The following FSD1L variants were observed in gnomAD, a reference collection of about 807,000 sequenced individuals.
FSD1L encodes fibronectin type III and SPRY domain containing 1 like.
A neutral mutation model predicts 71.6 loss-of-function variants in FSD1L; 45 were observed. That is an observed-to-expected ratio of 0.63 (90% CI 0.49 to 0.81). The LOEUF (loss-of-function observed/expected upper bound fraction) is 0.81. Among genes scored for constraint, FSD1L ranks in the 30% least tolerant of loss-of-function variants. FSD1L has a pLI of 0.00. For missense variants in FSD1L, 561 were observed against 618.1 expected (o/e 0.91, Z 0.98); for synonymous variants, 197 against 207.2 (o/e 0.95, Z 0.42).
chr9:105,475,321 A>G (rs112218005), intron 5 of FSD1L, among the ~76,000 whole-genome samples: 1,724 of 152,290 alleles, frequency 0.011, 21 homozygotes, highest in Non-Finnish European at 0.019. Flanking sequence ...TGAAAGGGGA[A>G]CAGTGTCTTC....
intron 7 of FSD1L, among the ~76,000 whole-genome samples, chr9:105,499,592 G>T (rs1833643863): frequency 6.6e-6 from 1 of 151,468 alleles, no homozygotes; most frequent in Non-Finnish European, 1.5e-5. Flanking sequence ...CTTCTTTCAA[G>T]TGTTTTCCTT....
Position 105,470,268 on chromosome 9 carries a change from T to C in FSD1L, c.340-1636T>C, listed in dbSNP as rs77897091. ...TGAGATTCTACATGAATTTTATATATATTTTTTCTGTTCCTACAAAAAATG... is the reference window on the plus strand; with the variant it reads ...TGAGATTCTACATGAATTTTATATACATTTTTTCTGTTCCTACAAAAAATG... On this transcript the variant is annotated intron_variant, in intron 4 of 13. Transcript: ENST00000481272. 8.3e-3 allele frequency among the ~76,000 whole-genome samples: 1,264 copies of C among 152,286 alleles called. 19 individuals carry two copies. Among genetic ancestry groups the C allele is most frequent in the African/African-American group, 0.029 (1,208 of 41,552 alleles).
intron 1 of FSD1L, among the ~76,000 whole-genome samples, chr9:105,460,045 C>T (rs1350817066): frequency 6.6e-6 from 1 of 152,166 alleles, no homozygotes; most frequent in Non-Finnish European, 1.5e-5. Context: ...AAGAATGAGA[C>T]TGTGTTTCTC....
In FSD1L at chr9:105,548,540, A is replaced by T. The variant is rs561336505; in HGVS notation, c.*2057A>T. ...TGTTTAAGCTACAGAGCATTGTTGT[A>T]GTGGTGAGGGCCCTCTGTTGCAGGG... On this transcript the variant is annotated 3_prime_UTR_variant, in exon 14 of 14. Coordinates refer to ENST00000481272, the MANE Select transcript of FSD1L (RefSeq NM_001145313.3). 6.6e-6 allele frequency: 1 copy of T among 152,590 alleles called. No individual in the cohort carries two copies. Among genetic ancestry groups the T allele is most frequent in the East Asian group, 1.9e-4 (1 of 5,188 alleles). The allele number at this position is 152,590 out of a possible 1,614,324, so 9.5% of individuals were successfully genotyped here.
upstream of FSD1L, among the ~76,000 whole-genome samples, chr9:105,444,923 G>T (rs1829610624): frequency 1.3e-5 from 2 of 152,204 alleles, no homozygotes; most frequent in Non-Finnish European, 2.9e-5. Context: ...TAGATCCAGG[G>T]ATAAGGCTGG....
At chr9:105,457,623 G>A (rs1163207353) in intron 1 of FSD1L, among the ~76,000 whole-genome samples, 1 of 152,252 alleles carries the variant, frequency 6.6e-6, no homozygotes, top group African/African-American at 2.4e-5. Context: ...AGAAACCTCT[G>A]TAGCTGGCAG....
intron 1 of FSD1L, among the ~76,000 whole-genome samples, chr9:105,454,496 A>G (rs1830243796): frequency 1.3e-5 from 2 of 152,252 alleles, no homozygotes; most frequent in Admixed American, 1.3e-4. Flanking sequence ...ATCTATTTCA[A>G]AAATTTTATT....
In FSD1L at chr9:105,539,271, T is replaced by C; in HGVS notation, c.1387T>C (p.Ser463Pro). 1 of 1,453,982 alleles carries C rather than the reference T, an allele frequency of 6.9e-7. No homozygotes were observed. 90.1% of individuals were successfully genotyped at this position (1,453,982 alleles called of 1,614,324 possible). A position where few individuals can be genotyped will look rare whatever the true frequency, so the allele number is the denominator to read the frequency against. ...VFCDFDGGQLSFYDANSKQLL... is the reference protein window; with the variant it reads ...VFCDFDGGQLPFYDANSKQLL... ...TTTTCCTTCTTTTTTAGGTCAACTT[T>C]CATTCTATGATGCAAATTCTAAACA... is the stretch of plus-strand genomic sequence containing the variant. The change falls in exon 13 of 14, where the codon TCA becomes CCA. Residue 463 changes from serine to proline, a missense_variant. This residue lies in a region of FSD1L where 98 missense variants were observed against 102.3 expected (regional missense o/e 0.96). Coordinates refer to ENST00000481272, the MANE Select transcript of FSD1L (RefSeq NM_001145313.3).
Position 105,547,348 on chromosome 9 carries a change from T to C in FSD1L, c.*865T>C, listed in dbSNP as rs1167912005. The C allele has an allele frequency of 3.3e-5, 5 of 152,490 alleles. No individual in the cohort carries two copies. Among genetic ancestry groups the C allele is most frequent in the Non-Finnish European group, 7.4e-5 (5 of 67,940 alleles). 9.4% of individuals were successfully genotyped at this position (152,490 alleles called of 1,614,324 possible). A position where few individuals can be genotyped will look rare whatever the true frequency, so the allele number is the denominator to read the frequency against. On this transcript the variant is annotated 3_prime_UTR_variant, in exon 14 of 14. Transcript: ENST00000481272. ...CACTGATAATAATTATGCTGATTTTTAGCATCTCTTATAGGAATCAAAGTT... is the reference window on the plus strand; with the variant it reads ...CACTGATAATAATTATGCTGATTTTCAGCATCTCTTATAGGAATCAAAGTT...
At chr9:105,490,046 T>G (rs955875255) in intron 7 of FSD1L, among the ~76,000 whole-genome samples, 5 of 152,178 alleles carry the variant, frequency 3.3e-5, no homozygotes, top group Non-Finnish European at 5.9e-5. Flanking sequence ...GGTCAAATGG[T>G]ATTTCTAGTT....
intron 10 of FSD1L, among the ~76,000 whole-genome samples, chr9:105,531,295 G>C (rs952712775): frequency 6.6e-6 from 1 of 152,094 alleles, no homozygotes; most frequent in Non-Finnish European, 1.5e-5. Flanking sequence ...CCACTGGTTT[G>C]GTTCATTTAA....
intron 1 of FSD1L, among the ~76,000 whole-genome samples, chr9:105,455,323 A>T (rs1830295588): frequency 6.6e-6 from 1 of 152,138 alleles, no homozygotes; most frequent in Non-Finnish European, 1.5e-5. Flanking sequence ...ATAAAATACC[A>T]TGCCTCATTT....
At chr9:105,511,293 A>T (rs1834382678) in intron 9 of FSD1L, among the ~76,000 whole-genome samples, 1 of 152,028 alleles carries the variant, frequency 6.6e-6, no homozygotes, top group South Asian at 2.1e-4. Flanking sequence ...CCTTTTTTAA[A>T]AAAACAGCCT....
intron 7 of FSD1L, among the ~76,000 whole-genome samples, chr9:105,502,814 G>A (rs1043789819): frequency 4.6e-5 from 7 of 150,760 alleles, no homozygotes; most frequent in Non-Finnish European, 1.0e-4. Context: ...TTGGTAAAAT[G>A]AGGTATGATT....
At chr9:105,488,028 T>C (rs1832669600) in intron 7 of FSD1L, among the ~76,000 whole-genome samples, 2 of 152,182 alleles carry the variant, frequency 1.3e-5, no homozygotes, top group Non-Finnish European at 2.9e-5. Context: ...GACACATCAT[T>C]ATCACTGAAA....
At chr9:105,480,212 C>A (rs896190880) in intron 6 of FSD1L, among the ~76,000 whole-genome samples, 1 of 151,978 alleles carries the variant, frequency 6.6e-6, no homozygotes, top group Non-Finnish European at 1.5e-5. Context: ...TCAGATAATT[C>A]ACAAAAATTT....
intron 3 of FSD1L, among the ~76,000 whole-genome samples, chr9:105,464,650 A>C (rs1434939501): frequency 1.3e-5 from 2 of 152,212 alleles, no homozygotes; most frequent in Non-Finnish European, 1.5e-5. Flanking sequence ...CTGGCAAGTA[A>C]AACGTTTCTT....
At chr9:105,525,083 G>A in intron 10 of FSD1L, 2 of 1,565,586 alleles carry the variant, frequency 1.3e-6, no homozygotes, top group Non-Finnish European at 1.7e-6. Flanking sequence ...ATGGGATTCT[G>A]CTATACTGTA....
Position 105,494,595 on chromosome 9 carries a change from A to G in FSD1L, c.586+10093A>G, listed in dbSNP as rs941855552. Reference sequence around the variant, plus strand: ...AGGCGCTCTGGTTTTTAGAGTTTCCAGTTTTTCTGTTCTGTTTTTTCCCCA... The same window carrying G: ...AGGCGCTCTGGTTTTTAGAGTTTCCGGTTTTTCTGTTCTGTTTTTTCCCCA... On this transcript the variant is annotated intron_variant, in intron 7 of 13. Coordinates refer to ENST00000481272, the MANE Select transcript of FSD1L (RefSeq NM_001145313.3). 1.1e-3 allele frequency among the ~76,000 whole-genome samples: 174 copies of G among 152,114 alleles called. 1 individual carries two copies. Among genetic ancestry groups the G allele is most frequent in the Non-Finnish European group, 1.2e-3 (82 of 67,998 alleles).
Sources: allele counts gnomAD v4.1 joint callset (sites outside exome capture counted in the v4.1 genomes callset), GRCh38; gene constraint gnomAD v4.1.1; regional missense constraint gnomAD v4.1.1; transcripts MANE v1.5; gene names NCBI Gene and HGNC (gene_info 2026-07-23, HGNC 2026-07-21).